The following GRAMD2A variants were observed in gnomAD, a reference collection of about 807,000 sequenced individuals.
GRAMD2A encodes GRAM domain-containing protein 2A.
A neutral mutation model predicts 51.1 loss-of-function variants in GRAMD2A; 37 were observed. The observed-to-expected ratio is 0.72, with a 90% CI of 0.56 to 0.95. The LOEUF (loss-of-function observed/expected upper bound fraction) is 0.95, where lower values mean the gene tolerates loss of function less well. Ranked by LOEUF, GRAMD2A falls within the 40% of genes least tolerant of loss-of-function variation. GRAMD2A has a pLI of 0.00. For synonymous variants in GRAMD2A, 136 were observed against 157.1 expected (o/e 0.87, Z 1.01); for missense variants, 414 against 426.9 (o/e 0.97, Z 0.27).
rs556729393 is a variant in GRAMD2A at position 72,162,725 on chromosome 15, C to A, written c.957-348G>T. The A allele has an allele frequency of 4.6e-5, 11 of 237,386 alleles. No homozygotes were observed. In the South Asian group the frequency reaches 6.7e-4, roughly 14 times the overall value. 14.7% of individuals were successfully genotyped at this position (237,386 alleles called of 1,614,324 possible). ...CCTCTGGGAGGTCATGATGATGACCCCCTAGGCGGTGGGCCCATTCCCCCA... is the reference window on the plus strand; with the variant it reads ...CCTCTGGGAGGTCATGATGATGACCACCTAGGCGGTGGGCCCATTCCCCCA... On this transcript the variant is annotated intron_variant, in intron 10 of 11. Coordinates refer to ENST00000309731, the MANE Select transcript of GRAMD2A (RefSeq NM_001012642.3).
At chr15:72,171,835 ATTT>A (rs143285493) in intron 1 of GRAMD2A, among the ~76,000 whole-genome samples, 1 of 144,412 alleles carries the variant, frequency 6.9e-6, no homozygotes, top group Non-Finnish European at 1.5e-5. Flanking sequence ...TGGCTTTTTT[ATTT>A]TTTTTTTTTG....
intron 1 of GRAMD2A, among the ~76,000 whole-genome samples, chr15:72,182,091 G>A (rs969299607): frequency 2.0e-5 from 3 of 152,110 alleles, no homozygotes; most frequent in Non-Finnish European, 2.9e-5. Context: ...TCGGCCAGGC[G>A]CAGTGGCTCA....
At chr15:72,187,165 G>GA (rs370424887) in intron 1 of GRAMD2A, among the ~76,000 whole-genome samples, 102 of 121,884 alleles carry the variant, frequency 8.4e-4, no homozygotes, top group African/African-American at 2.9e-3. Context: ...TGTCTCAAAA[G>GA]AAAAAAAAAA....
intron 8 of GRAMD2A, 105 bp from the exon 9 acceptor site, chr15:72,163,862 T>C (rs2081510251): frequency 8.3e-7 from 1 of 1,207,322 alleles, no homozygotes; most frequent in Non-Finnish European, 1.2e-6. Flanking sequence ...TATTACCAAA[T>C]ATAGATGCCT....
At chr15:72,186,547 T>C (rs919935808) in intron 1 of GRAMD2A, among the ~76,000 whole-genome samples, 2 of 152,076 alleles carry the variant, frequency 1.3e-5, no homozygotes, top group Admixed American at 6.6e-5. Context: ...TTGGTCTCAA[T>C]CTCCTGACCT....
rs35370091 is a variant in GRAMD2A, at chr15:72,160,097, G to A, written c.*1912C>T. On this transcript the variant is annotated 3_prime_UTR_variant, in exon 12 of 12. Transcript: ENST00000309731. ...CAAGTGCACCTCCAAAGTCACCTAC[G>A]CTGCAGCATGGCTCTTGCCCTTTCT... 5.5e-3 allele frequency: 839 copies of A among 152,306 alleles called. 3 individuals carry two copies. The highest frequency in any genetic ancestry group is 7.1e-3 in the Non-Finnish European group (485 of 68,084). The allele number at this position is 152,306 out of a possible 1,614,324, so 9.4% of individuals were successfully genotyped here. A position where few individuals can be genotyped will look rare whatever the true frequency, so the allele number is the denominator to read the frequency against.
chr15:72,163,153 CTCAGAAACT>C, intron 10 of GRAMD2A, 104 bp downstream of exon 10: 1 of 706,316 alleles, frequency 1.4e-6, no homozygotes, highest in East Asian at 2.7e-5. Flanking sequence ...TTGAATTTGA[CTCAGAAACT>C]TCCCCCTGGT....
intron 1 of GRAMD2A, among the ~76,000 whole-genome samples, chr15:72,171,334 T>C (rs1367032551): frequency 6.6e-6 from 1 of 151,962 alleles, no homozygotes; most frequent in East Asian, 1.9e-4. Context: ...ATGAAAAATA[T>C]ATATAAGATC....
intron 8 of GRAMD2A, among the ~76,000 whole-genome samples, chr15:72,164,673 G>A (rs2140544020): frequency 6.6e-6 from 1 of 152,172 alleles, no homozygotes; most frequent in Non-Finnish European, 1.5e-5. Context: ...CCAAAGTGCT[G>A]GGATTACAGG....
intron 1 of GRAMD2A, among the ~76,000 whole-genome samples, chr15:72,172,087 G>C (rs919015047): frequency 2.6e-5 from 4 of 150,954 alleles, no homozygotes; most frequent in African/African-American, 9.8e-5. Context: ...TGGCCTCCCA[G>C]AGTGCTGGGA....
chr15:72,175,164 C>G (rs144633242), intron 1 of GRAMD2A, among the ~76,000 whole-genome samples: 195 of 152,266 alleles, frequency 1.3e-3, no homozygotes, highest in African/African-American at 4.2e-3. Flanking sequence ...GCCAATCAAG[C>G]CCTCAGGTCC....
At chr15:72,178,699 G>C (rs548437918) in intron 1 of GRAMD2A, among the ~76,000 whole-genome samples, 65 of 149,056 alleles carry the variant, frequency 4.4e-4, no homozygotes, top group Admixed American at 1.1e-3. Flanking sequence ...CTCAGCCTCC[G>C]GAGTAGCTGG....
At chr15:72,169,083 C>A in intron 2 of GRAMD2A, 87 bp from the exon 3 acceptor site, 1 of 1,231,174 alleles carries the variant, frequency 8.1e-7, no homozygotes, top group Non-Finnish European at 1.2e-6. Context: ...GGCCTTGAGC[C>A]AGAAGCTTGA....
chr15:72,165,234 C>G, intron 8 of GRAMD2A, 120 bp downstream of exon 8: 3 of 848,832 alleles, frequency 3.5e-6, no homozygotes, highest in Non-Finnish European at 3.9e-6. Context: ...ATAGCATGGC[C>G]ACTGACTCTT....
In GRAMD2A at chr15:72,161,872, G is replaced by A; in HGVS notation, c.*137C>T. On this transcript the variant is annotated 3_prime_UTR_variant, in exon 12 of 12. Coordinates refer to ENST00000309731, the MANE Select transcript of GRAMD2A (RefSeq NM_001012642.3). ...GAGGGAAGAGAAGAGCTGCGGGGAG[G>A]AGGAGGGATCTGGAATATTTTCCTT... The A allele has an allele frequency of 2.4e-6, 2 of 843,448 alleles. No individual in the cohort carries two copies. The highest frequency in any genetic ancestry group is 1.4e-5 in the South Asian group (1 of 71,312). The allele number at this position is 843,448 out of a possible 1,614,324, so 52.2% of individuals were successfully genotyped here. A position where few individuals can be genotyped will look rare whatever the true frequency, so the allele number is the denominator to read the frequency against.
At position 72,166,565 on chromosome 15, in the gene GRAMD2A, C is replaced by A; in HGVS notation, c.543+67G>T. 6 of 1,212,330 alleles carry A rather than the reference C, an allele frequency of 4.9e-6. No homozygotes were observed. The South Asian group carries it at 6.0e-5, about 12-fold the overall frequency. 75.1% of individuals were successfully genotyped at this position (1,212,330 alleles called of 1,614,324 possible). On this transcript the variant is annotated intron_variant, in intron 7 of 11. Coordinates refer to ENST00000309731, the MANE Select transcript of GRAMD2A (RefSeq NM_001012642.3). The surrounding 1 kb of genome is among the most constrained non-coding windows in gnomAD (Gnocchi z 4.1). ...GAGAGATGGGCGACCTCCCCCAACA[C>A]CCTTGTGCAAGACCTGCATCCAGGC...
intron 5 of GRAMD2A, 84 bp downstream of exon 5, chr15:72,167,652 T>C (rs954807744): frequency 4.9e-6 from 5 of 1,029,428 alleles, no homozygotes; most frequent in East Asian, 4.7e-5. Flanking sequence ...CGCAGAGAGA[T>C]AGGCATGACT....
chr15:72,196,148 G>GGGCTA (rs2081803554), intron 1 of GRAMD2A, among the ~76,000 whole-genome samples: 1 of 152,120 alleles, frequency 6.6e-6, no homozygotes, highest in African/African-American at 2.4e-5. Flanking sequence ...CTACCTCAAT[G>GGGCTA]CCTGTCAAAC....
rs1406446154 is a variant in GRAMD2A at position 72,170,386 on chromosome 15, C to T, written c.42-447G>A. On this transcript the variant is annotated intron_variant, in intron 1 of 11. Coordinates refer to ENST00000309731, the MANE Select transcript of GRAMD2A (RefSeq NM_001012642.3). The surrounding 1 kb of genome is among the most constrained non-coding windows in gnomAD (Gnocchi z 4.5). The stretch of plus-strand genomic sequence containing the variant: ...TCAGGTTCCGGGAAAGTAGGCTGAG[C>T]ACAGGAGGCCTTATCAAAGCTCAGG... 1 of 456,532 alleles carries T rather than the reference C, an allele frequency of 2.2e-6. No homozygotes were observed. The highest frequency in any genetic ancestry group is 6.9e-5 in the East Asian group (1 of 14,408). 28.3% of individuals were successfully genotyped at this position (456,532 alleles called of 1,614,324 possible). A position where few individuals can be genotyped will look rare whatever the true frequency, so the allele number is the denominator to read the frequency against.
Sources: allele counts gnomAD v4.1 joint callset (sites outside exome capture counted in the v4.1 genomes callset), GRCh38; gene constraint gnomAD v4.1.1; non-coding constraint Gnocchi (gnomAD v3.1); transcripts MANE v1.5; gene names NCBI Gene and HGNC (gene_info 2026-07-23, HGNC 2026-07-21).